Variants in DYNC2LI1 observed in about 807,000 individuals in gnomAD.
DYNC2LI1 encodes the protein cytoplasmic dynein 2 light intermediate chain 1.
DYNC2LI1 carries 45 observed loss-of-function variants against 51.9 expected under a neutral mutation model. That is an observed-to-expected ratio of 0.87 (90% CI 0.68 to 1.11). The LOEUF (loss-of-function observed/expected upper bound fraction) is 1.11, where lower values mean the gene tolerates loss of function less well. DYNC2LI1 is among the 50% of genes most tolerant of loss of function. The pLI, the probability that DYNC2LI1 is intolerant of heterozygous loss-of-function variation, is 0.00. For missense variants in DYNC2LI1, 490 were observed against 417.4 expected, an observed-to-expected ratio of 1.17 and a Z score of -1.51; for synonymous variants, 130 against 137.8, an observed-to-expected ratio of 0.94 and a Z score of 0.40.
chr2:43,825,346 A>G, the DYNC2LI1 span, among the ~76,000 whole-genome samples: 2 of 152,140 alleles, frequency 1.3e-5, no homozygotes, highest in African/African-American at 2.4e-5. Context: ...AAGCCAAGTG[A>G]GTGACCTCGG....
chr2:43,796,825 A>C (rs1282562326), intron 8 of DYNC2LI1, 30 bp downstream of exon 8: 4 of 1,579,098 alleles, frequency 2.5e-6, no homozygotes, highest in Non-Finnish European at 2.6e-6. Flanking sequence ...TTTGGGCTTG[A>C]ATGGACAGTA....
intron 12 of DYNC2LI1, among the ~76,000 whole-genome samples, chr2:43,807,179 T>A (rs1223991074): frequency 6.6e-6 from 1 of 152,130 alleles, no homozygotes; most frequent in East Asian, 1.9e-4. Context: ...TTGTTTCCAA[T>A]TGTGTGCTGT....
chr2:43,783,431 A>T, intron 2 of DYNC2LI1, 89 bp from the exon 3 acceptor site: 1 of 996,166 alleles, frequency 1.0e-6, no homozygotes, highest in Non-Finnish European at 1.5e-6. Flanking sequence ...ATTGATTAAA[A>T]ATCTATTTTG....
chr2:43,780,913 A>G (rs1280489590), intron 2 of DYNC2LI1, among the ~76,000 whole-genome samples: 2 of 152,310 alleles, frequency 1.3e-5, no homozygotes, highest in Non-Finnish European at 2.9e-5. Context: ...CCACAAGACT[A>G]CAGCCACATG....
At chr2:43,814,425 T>C (rs1666685355), downstream of DYNC2LI1, 2 of 1,149,202 alleles carry the variant, frequency 1.7e-6, no homozygotes. Context: ...CTCCAAGAAA[T>C]TGCTTCCTCA....
chr2:43,796,796 G>A lies in DYNC2LI1; in HGVS notation c.654+1G>A, dbSNP rs780751849. 1.9e-6 allele frequency: 3 copies of A among 1,612,764 alleles called. No individual in the cohort carries two copies. Among genetic ancestry groups the A allele is most frequent in the Non-Finnish European group, 2.5e-6 (3 of 1,179,168 alleles). On this transcript the variant is annotated splice_donor_variant, in intron 8 of 12. Transcript: ENST00000260605. LOFTEE classifies it high-confidence loss of function. Reference sequence around the variant, plus strand: ...ACATTATTATGGAGCATCATTAATGGTTTGTACATTTCTTGTCCTTTGGGC... The same window carrying A: ...ACATTATTATGGAGCATCATTAATGATTTGTACATTTCTTGTCCTTTGGGC...
intron 8 of DYNC2LI1, among the ~76,000 whole-genome samples, chr2:43,800,534 CAT>C (rs773631325): frequency 2.6e-5 from 4 of 151,890 alleles, no homozygotes; most frequent in Non-Finnish European, 5.9e-5. Context: ...AACATACATT[CAT>C]ATATATATAT....
chr2:43,827,050 C>T, the DYNC2LI1 span, among the ~76,000 whole-genome samples: 105 of 152,276 alleles, frequency 6.9e-4, no homozygotes, highest in Non-Finnish European at 1.2e-3. Flanking sequence ...GGGGGCCGGG[C>T]GCGGTGGCTC....
At chr2:43,804,398 A>G (rs901299966) in intron 10 of DYNC2LI1, among the ~76,000 whole-genome samples, 6 of 152,202 alleles carry the variant, frequency 3.9e-5, no homozygotes, top group African/African-American at 1.4e-4. Context: ...AGGTATAGGT[A>G]TAGGGTGTGG....
At chr2:43,820,777 C>G in the DYNC2LI1 span, among the ~76,000 whole-genome samples, 1 of 152,152 alleles carries the variant, frequency 6.6e-6, no homozygotes, top group African/African-American at 2.4e-5. Context: ...CCTCAGCCTC[C>G]CAAGTAGCTG....
At chr2:43,801,759 T>C (rs1382500051) in intron 10 of DYNC2LI1, 50 bp downstream of exon 10, 1 of 1,403,976 alleles carries the variant, frequency 7.1e-7, no homozygotes. Context: ...TGCTTATTGA[T>C]TTTGTCCTAC....
At chr2:43,784,288 A>G (rs1673419547) in intron 3 of DYNC2LI1, among the ~76,000 whole-genome samples, 1 of 152,222 alleles carries the variant, frequency 6.6e-6, no homozygotes, top group South Asian at 2.1e-4. Context: ...ATCAACAGTA[A>G]CACCTGTATT....
At chr2:43,797,241 C>G (rs764804744) in intron 8 of DYNC2LI1, among the ~76,000 whole-genome samples, 2 of 152,118 alleles carry the variant, frequency 1.3e-5, no homozygotes, top group Non-Finnish European at 2.9e-5. Context: ...GGGTTCGAAT[C>G]TCAGAGTGAC....
chr2:43,814,675 C>T, downstream of DYNC2LI1: 1 of 788,684 alleles, frequency 1.3e-6, no homozygotes, highest in Middle Eastern at 3.6e-4. Context: ...CTTATATTTT[C>T]CAACAGGAAT....
intron 6 of DYNC2LI1, 28 bp downstream of exon 6, chr2:43,794,671 GA>G: frequency 6.2e-7 from 1 of 1,613,898 alleles, no homozygotes; most frequent in Non-Finnish European, 8.5e-7. Flanking sequence ...ATTATTACTG[GA>G]ATCCTTAGTC....
rs1452010340 is a variant in DYNC2LI1, at chr2:43,789,779, T to C, written c.320+58T>C. On this transcript the variant is annotated intron_variant, in intron 5 of 12. Transcript: ENST00000260605. Reference sequence around the variant, plus strand: ...TACACAGGAGTGTCCCTAGGAGGAATATGAGTTGGCTTTTCTCAGTCAGAA... The same window carrying C: ...TACACAGGAGTGTCCCTAGGAGGAACATGAGTTGGCTTTTCTCAGTCAGAA... 9 of 1,481,764 alleles carry C rather than the reference T, an allele frequency of 6.1e-6. 1 individual carries two copies. In the African/African-American group the frequency reaches 8.4e-5, roughly 14 times the overall value. 91.8% of individuals were successfully genotyped at this position (1,481,764 alleles called of 1,614,324 possible).
At chr2:43,776,310 AT>A (rs887232647) in intron 1 of DYNC2LI1, among the ~76,000 whole-genome samples, 4 of 151,830 alleles carry the variant, frequency 2.6e-5, no homozygotes, top group African/African-American at 9.7e-5. Context: ...ATTAAACAAA[AT>A]TTTTTTTTAC....
At chr2:43,786,267 C>T (rs1330686229) in intron 3 of DYNC2LI1, among the ~76,000 whole-genome samples, 3 of 152,108 alleles carry the variant, frequency 2.0e-5, no homozygotes, top group African/African-American at 7.2e-5. Flanking sequence ...GGCATGATCT[C>T]GGCTTACTGC....
At chr2:43,797,806 C>G (rs1280847902) in intron 8 of DYNC2LI1, among the ~76,000 whole-genome samples, 4 of 152,058 alleles carry the variant, frequency 2.6e-5, no homozygotes, top group Admixed American at 2.6e-4. Context: ...GCGTGAGCCA[C>G]CATGCCTGGC....
Sources: allele counts gnomAD v4.1 joint callset (sites outside exome capture counted in the v4.1 genomes callset), GRCh38; gene constraint gnomAD v4.1.1; transcripts MANE v1.5; gene names NCBI Gene and HGNC (gene_info 2026-07-23, HGNC 2026-07-21).